Variants in WWC1 observed in about 807,000 individuals in gnomAD.
The protein encoded by WWC1 is WW and C2 domain containing 1.
WWC1 carries 55 observed loss-of-function variants against 138.4 expected under a neutral mutation model. The ratio of observed to expected loss-of-function variants is 0.40; its 90% CI spans 0.32 to 0.50. WWC1 has a LOEUF of 0.50. Ranked by LOEUF, WWC1 falls within the 20% of genes least tolerant of loss-of-function variation. The pLI is 0.72. For synonymous variants in WWC1, 524 were observed against 564.9 expected (o/e 0.93, Z 1.03); for missense variants, 1,226 against 1,420.4 (o/e 0.86, Z 2.20).
At chr5:168,446,258 A>C (rs1755254282) in intron 17 of WWC1, among the ~76,000 whole-genome samples, 1 of 150,720 alleles carries the variant, frequency 6.6e-6, no homozygotes, top group Non-Finnish European at 1.5e-5. Context: ...AAAAAAAAAA[A>C]AAAGGTTAGC....
At chr5:168,305,602 A>G (rs10077205) in intron 1 of WWC1, among the ~76,000 whole-genome samples, 18,970 of 152,148 alleles carry the variant, frequency 0.12, 1,371 homozygotes, top group Admixed American at 0.23. Context: ...CTTAGCAGCA[A>G]ACCACTTAAC....
At chr5:168,377,083 A>C (rs572391125) in intron 2 of WWC1, among the ~76,000 whole-genome samples, 7 of 152,338 alleles carry the variant, frequency 4.6e-5, no homozygotes, top group African/African-American at 1.7e-4. Context: ...AAAAGCAGGC[A>C]CGTAGATCAA....
At chr5:168,328,698 G>A (rs565904298) in intron 1 of WWC1, among the ~76,000 whole-genome samples, 4 of 152,120 alleles carry the variant, frequency 2.6e-5, no homozygotes, top group South Asian at 2.1e-4. Context: ...AAGCATGCCC[G>A]GCTAATTTTT....
In WWC1 at chr5:168,291,832, A is replaced by C. The variant is rs1222304050; in HGVS notation, c.-321A>C. The C allele has an allele frequency of 6.7e-6, 1 of 148,706 alleles. No individual in the cohort carries two copies. Among genetic ancestry groups the C allele is most frequent in the African/African-American group, 2.4e-5 (1 of 40,872 alleles). The allele number at this position is 148,706 out of a possible 1,614,324, so 9.2% of individuals were successfully genotyped here. A position where few individuals can be genotyped will look rare whatever the true frequency, so the allele number is the denominator to read the frequency against. On this transcript the variant is annotated 5_prime_UTR_variant, in exon 1 of 23. Transcript: ENST00000265293. ...CGCGCCGCGCGGCGGAGGAGGGCAG[A>C]CGGCGGCGGCGGCGGCGCTCGGCTC...
intron 15 of WWC1, among the ~76,000 whole-genome samples, chr5:168,431,903 C>T (rs895561037): frequency 1.3e-5 from 2 of 151,996 alleles, no homozygotes; most frequent in African/African-American, 4.8e-5. Context: ...GACCCCATCT[C>T]TACAAAAAAT....
intron 8 of WWC1, chr5:168,411,844 T>C (rs772974425): frequency 1.2e-5 from 4 of 345,046 alleles, no homozygotes; most frequent in Non-Finnish European, 1.6e-5. Flanking sequence ...GCATGCGTCG[T>C]GTTTCCAGTG....
chr5:168,456,457 A>C (rs1756333728), intron 19 of WWC1, among the ~76,000 whole-genome samples: 1 of 152,154 alleles, frequency 6.6e-6, no homozygotes, highest in Non-Finnish European at 1.5e-5. Flanking sequence ...ACATGGTGAA[A>C]TCCTGTCTCT....
Position 168,344,145 on chromosome 5 carries a change from G to C in WWC1, c.120-27279G>C, listed in dbSNP as rs137939387. On this transcript the variant is annotated intron_variant, in intron 1 of 22. Coordinates refer to ENST00000265293, the MANE Select transcript of WWC1 (RefSeq NM_015238.3). ...ACAGTCATAATGGGGCAATGGGAAT[G>C]TATTGATTGTCACTGTTTTGCTTGT... Among the ~76,000 whole-genome samples the C allele has an allele frequency of 9.8e-5, 15 of 152,314 alleles. No homozygotes were observed. The East Asian group carries it at 2.9e-3, about 29-fold the overall frequency.
chr5:168,444,898 C>G (rs1042518459), intron 17 of WWC1, among the ~76,000 whole-genome samples: 2 of 150,734 alleles, frequency 1.3e-5, no homozygotes, highest in African/African-American at 4.9e-5. Context: ...TTATGTTACT[C>G]TAAATGGAAA....
intron 9 of WWC1, chr5:168,414,907 T>C (rs1036792096): frequency 6.7e-6 from 2 of 297,092 alleles, no homozygotes; most frequent in Non-Finnish European, 6.3e-6. Flanking sequence ...ATTTTCCAAC[T>C]TTTTGACAGT....
chr5:168,442,713 T>G (rs1334175087), intron 16 of WWC1, among the ~76,000 whole-genome samples: 1 of 151,708 alleles, frequency 6.6e-6, no homozygotes, highest in East Asian at 1.9e-4. Context: ...GGCAGTCATC[T>G]GTAATCCTAG....
At chr5:168,466,296 GCCAATATAGGA>G (rs922271928) in intron 21 of WWC1, among the ~76,000 whole-genome samples, 23 of 152,158 alleles carry the variant, frequency 1.5e-4, no homozygotes, top group Non-Finnish European at 2.4e-4. Context: ...ATATGCAAGG[GCCAATATAGGA>G]CCAATATAGG....
chr5:168,365,273 C>T (rs958129780), intron 1 of WWC1, among the ~76,000 whole-genome samples: 2 of 152,106 alleles, frequency 1.3e-5, no homozygotes, highest in African/African-American at 2.4e-5. Flanking sequence ...AGGAGAGGTT[C>T]GGCTGAAAGT....
At chr5:168,295,852 C>T (rs1019595950) in intron 1 of WWC1, among the ~76,000 whole-genome samples, 5 of 152,110 alleles carry the variant, frequency 3.3e-5, no homozygotes, top group South Asian at 2.1e-4. Flanking sequence ...ACTGGGAGGC[C>T]GAAATTCCTG....
At chr5:168,339,052 A>G (rs1773751604) in intron 1 of WWC1, among the ~76,000 whole-genome samples, 1 of 152,266 alleles carries the variant, frequency 6.6e-6, no homozygotes, top group South Asian at 2.1e-4. Flanking sequence ...TATACATTGT[A>G]TGTATCAAAA....
At chr5:168,429,420 G>A (rs1050882038) in intron 13 of WWC1, among the ~76,000 whole-genome samples, 30 of 151,744 alleles carry the variant, frequency 2.0e-4, no homozygotes, top group African/African-American at 6.5e-4. Context: ...CACCACGCCC[G>A]GCTAACTTTT....
chr5:168,372,266 C>CG (rs139984068), intron 2 of WWC1, among the ~76,000 whole-genome samples: 34,272 of 151,866 alleles, frequency 0.23, 4,149 homozygotes, highest in South Asian at 0.45. Flanking sequence ...AATCCTCCAG[C>CG]GGGGGAGAGT....
chr5:168,353,564 A>C (rs938141314), intron 1 of WWC1, among the ~76,000 whole-genome samples: 2 of 152,046 alleles, frequency 1.3e-5, no homozygotes, highest in African/African-American at 4.8e-5. Flanking sequence ...AACCCCAAAG[A>C]GTTAGAGTTG....
At chr5:168,415,813 G>GGTGT (rs1561732878) in intron 9 of WWC1, 2 of 10,744 alleles carry the variant, frequency 1.9e-4, no homozygotes, top group Non-Finnish European at 6.4e-4. Context: ...GGGGGGGGGG[G>GGTGT]GCGTGTGTGT....
Sources: allele counts gnomAD v4.1 joint callset (sites outside exome capture counted in the v4.1 genomes callset), GRCh38; gene constraint gnomAD v4.1.1; transcripts MANE v1.5; gene names NCBI Gene and HGNC (gene_info 2026-07-23, HGNC 2026-07-21).